EDIL3: variants seen among roughly 807,000 people sequenced by gnomAD.
EDIL3 encodes the protein EGF-like repeat and discoidin I-like domain-containing protein 3.
Under a neutral mutation model 67.4 loss-of-function variants are expected in EDIL3, and 37 were observed. The ratio of observed to expected loss-of-function variants is 0.55; its 90% CI spans 0.42 to 0.72. The LOEUF (loss-of-function observed/expected upper bound fraction) is 0.72, where lower values mean the gene tolerates loss of function less well. EDIL3 is among the 30% of genes least tolerant of loss of function. EDIL3 has a pLI of 0.00. For missense variants in EDIL3, 527 were observed against 586.3 expected, an observed-to-expected ratio of 0.90 and a Z score of 1.04; for synonymous variants, 195 against 196.3, an observed-to-expected ratio of 0.99 and a Z score of 0.05.
rs546210775 is a variant in EDIL3 at position 84,088,799 on chromosome 5, T to C, written c.651+17850A>G. On this transcript the variant is annotated intron_variant, in intron 6 of 10. Transcript: ENST00000296591. Reference sequence around the variant, plus strand: ...ATAAAGTGATCTATACCAAGTACACTAGCATTAGGATGAAATAGCTACCAC... The same window carrying C: ...ATAAAGTGATCTATACCAAGTACACCAGCATTAGGATGAAATAGCTACCAC... Among the ~76,000 whole-genome samples the C allele has an allele frequency of 2.6e-5, 4 of 152,274 alleles. No individual in the cohort carries two copies. In the East Asian group the frequency reaches 5.8e-4, roughly 22 times the overall value.
intron 2 of EDIL3, among the ~76,000 whole-genome samples, chr5:84,245,631 T>C (rs1341421266): frequency 6.6e-6 from 1 of 152,122 alleles, no homozygotes. Context: ...ATTGTAAAGA[T>C]TTTTGGCATG....
At chr5:84,331,203 G>A (rs553604723) in intron 1 of EDIL3, among the ~76,000 whole-genome samples, 15 of 152,260 alleles carry the variant, frequency 9.9e-5, no homozygotes, top group African/African-American at 2.2e-4. Flanking sequence ...CTGAGACTTC[G>A]GACATGGACT....
chr5:84,040,838 A>T (rs913950363), intron 9 of EDIL3, among the ~76,000 whole-genome samples: 1 of 152,188 alleles, frequency 6.6e-6, no homozygotes, highest in Non-Finnish European at 1.5e-5. Context: ...GTCCCATTAG[A>T]ATGGGACTTC....
rs542115483 is a variant in EDIL3, at chr5:84,239,966, T to C, written c.197-10082A>G. Among the ~76,000 whole-genome samples, 4 of 152,326 alleles carry C rather than the reference T, an allele frequency of 2.6e-5. No homozygotes were observed. The East Asian group carries it at 7.7e-4, about 29-fold the overall frequency. ...GTAGTTTCTCATGAAATTTTCCATGTCAACTGACATTTCTAGTTGTAGATG... is the reference window on the plus strand; with the variant it reads ...GTAGTTTCTCATGAAATTTTCCATGCCAACTGACATTTCTAGTTGTAGATG... On this transcript the variant is annotated intron_variant, in intron 2 of 10. Coordinates refer to ENST00000296591, the MANE Select transcript of EDIL3 (RefSeq NM_005711.5).
Position 84,066,550 on chromosome 5 carries a change from C to A in EDIL3, c.708G>T (p.Arg236Ser). The A allele has an allele frequency of 6.2e-7, 1 of 1,613,512 alleles. No individual in the cohort carries two copies. The highest frequency in any genetic ancestry group is 8.5e-7 in the Non-Finnish European group (1 of 1,179,832). ...ATTTTATATACTCTGGGCTTCCAAT[C>A]CTCTTGGCTCCTTGGGTAATCACAC... is the stretch of plus-strand genomic sequence containing the variant. ...VTGVITQGAK[R>S]IGSPEYIKSY... is the part of the protein sequence containing the mutation. The change falls in exon 7 of 11, where the codon AGG becomes AGT. Residue 236 changes from arginine (R) to serine (S), a missense_variant. Arg to Ser is a moderately radical substitution (Grantham distance 110). Transcript: ENST00000296591.
intron 4 of EDIL3, among the ~76,000 whole-genome samples, chr5:84,141,926 CAT>C (rs145638622): frequency 0.022 from 2,695 of 124,820 alleles, 58 homozygotes; most frequent in African/African-American, 0.036. Flanking sequence ...TATATATACA[CAT>C]ATATATATAT....
chr5:84,212,340 C>A (rs342409), intron 3 of EDIL3, among the ~76,000 whole-genome samples: 108,932 of 152,050 alleles, frequency 0.72, 39,327 homozygotes, highest in African/African-American at 0.77. Flanking sequence ...TTCCTATTAC[C>A]GGTGAAGAAA....
intron 3 of EDIL3, among the ~76,000 whole-genome samples, chr5:84,215,335 G>C (rs1744206381): frequency 1.3e-5 from 2 of 151,266 alleles, no homozygotes; most frequent in African/African-American, 4.9e-5. Flanking sequence ...CTCATTGCAA[G>C]ATCCACCTCC....
intron 9 of EDIL3, among the ~76,000 whole-genome samples, chr5:83,981,427 T>C (rs1324743510): frequency 6.6e-6 from 1 of 152,122 alleles, no homozygotes; most frequent in East Asian, 1.9e-4. Flanking sequence ...GATTACAATA[T>C]TTTTGTAATT....
intron 1 of EDIL3, among the ~76,000 whole-genome samples, chr5:84,377,295 G>T (rs956302863): frequency 3.4e-5 from 5 of 145,550 alleles, no homozygotes; most frequent in Admixed American, 1.4e-4. Context: ...CCTGGGTAGC[G>T]AGACTCCGTC....
At chr5:84,383,484 C>T (rs905973294) in intron 1 of EDIL3, among the ~76,000 whole-genome samples, 6 of 152,156 alleles carry the variant, frequency 3.9e-5, no homozygotes, top group Non-Finnish European at 8.8e-5. Flanking sequence ...TTTTATTTTT[C>T]TGTTTTTATT....
chr5:84,066,663 A>G, intron 6 of EDIL3, 57 bp from the exon 7 acceptor site: 1 of 1,559,802 alleles, frequency 6.4e-7, no homozygotes, highest in Non-Finnish European at 8.6e-7. Flanking sequence ...AACAATACTG[A>G]AAATACGAAT....
At chr5:84,324,657 AT>A (rs1236078794) in intron 1 of EDIL3, among the ~76,000 whole-genome samples, 2 of 151,972 alleles carry the variant, frequency 1.3e-5, no homozygotes, top group East Asian at 3.9e-4. Flanking sequence ...AGTTTAATGA[AT>A]TTTTAACTAG....
intron 4 of EDIL3, among the ~76,000 whole-genome samples, chr5:84,148,334 G>C (rs1748324231): frequency 6.6e-6 from 1 of 152,112 alleles, no homozygotes; most frequent in Admixed American, 6.6e-5. Context: ...CAGAAGAGTA[G>C]CCCTGTCTTG....
At chr5:84,121,908 A>G (rs1032422258) in intron 5 of EDIL3, among the ~76,000 whole-genome samples, 21 of 152,164 alleles carry the variant, frequency 1.4e-4, no homozygotes, top group African/African-American at 4.8e-4. Flanking sequence ...AAATTCTTCC[A>G]AACAACAGTT....
At chr5:84,046,171 G>C (rs1746220646) in intron 9 of EDIL3, among the ~76,000 whole-genome samples, 1 of 152,148 alleles carries the variant, frequency 6.6e-6, no homozygotes, top group South Asian at 2.1e-4. Flanking sequence ...ACATGTGTAT[G>C]TGTGTGTATC....
chr5:84,362,589 T>C (rs917797340), intron 1 of EDIL3, among the ~76,000 whole-genome samples: 5 of 152,136 alleles, frequency 3.3e-5, no homozygotes, highest in Non-Finnish European at 5.9e-5. Flanking sequence ...CCTGTTAAAG[T>C]TGGTATGTTC....
chr5:84,335,626 T>G (rs1006459840), intron 1 of EDIL3, among the ~76,000 whole-genome samples: 1 of 152,100 alleles, frequency 6.6e-6, no homozygotes, highest in Non-Finnish European at 1.5e-5. Flanking sequence ...AATAAGCAAA[T>G]GGAGAACCCA....
At chr5:84,013,388 C>G (rs1745549542) in intron 9 of EDIL3, among the ~76,000 whole-genome samples, 1 of 151,990 alleles carries the variant, frequency 6.6e-6, no homozygotes, top group South Asian at 2.1e-4. Context: ...TGATTTATAG[C>G]TAGAAAGATT....
Sources: allele counts gnomAD v4.1 joint callset (sites outside exome capture counted in the v4.1 genomes callset), GRCh38; gene constraint gnomAD v4.1.1; transcripts MANE v1.5; gene names NCBI Gene and HGNC (gene_info 2026-07-23, HGNC 2026-07-21).